HAUS7: variants seen among roughly 807,000 people sequenced by gnomAD.
HAUS7 encodes HAUS augmin-like complex subunit 7.
In HAUS7, 3 loss-of-function variants were observed where a neutral mutation model predicts 28.4. That is an observed-to-expected ratio of 0.11 (90% CI 0.05 to 0.27). The LOEUF (loss-of-function observed/expected upper bound fraction) is 0.27. Ranked by LOEUF, HAUS7 falls within the 10% of genes least tolerant of loss-of-function variation. HAUS7 has a pLI of 1.00. For missense variants in HAUS7, 284 were observed against 297.3 expected, an observed-to-expected ratio of 0.96 and a Z score of 0.33; for synonymous variants, 165 against 132.1, an observed-to-expected ratio of 1.25 and a Z score of -1.71.
At chrX:153,480,542 G>GAGGCA in intron 1 of HAUS7, 1 of 749,939 alleles carries the variant, frequency 1.3e-6, no homozygotes, top group Non-Finnish European at 1.6e-6. Context: ...TTGGGGAAAG[G>GAGGCA]AGGCAAGGCC....
intron 8 of HAUS7, chrX:153,455,027 C>T (rs1464884798): frequency 1.5e-5 from 15 of 1,024,195 alleles, no homozygotes; most frequent in Non-Finnish European, 1.8e-5. Context: ...TAACTAAAGC[C>T]GGCTTTTTAG....
chrX:153,475,117 C>T (rs1428467572), upstream of HAUS7, among the ~76,000 whole-genome samples: 1 of 112,552 alleles, frequency 8.9e-6, no homozygotes, highest in East Asian at 2.8e-4. Flanking sequence ...TCGAAGCCCA[C>T]CGGAGGGGAT....
chrX:153,474,703 A>AGGCGGGGGCGGGGGCGGGGGCGGG (rs782113268), upstream of HAUS7, among the ~76,000 whole-genome samples: 1 of 36,575 alleles, frequency 2.7e-5, no homozygotes, highest in Non-Finnish European at 7.9e-5. Context: ...GCAACGGGAG[A>AGGCGGGGGCGGGGGCGGGGGCGGG]GGCGGGGGCG....
intron 8 of HAUS7, chrX:153,455,064 G>C (rs1556981800): frequency 1.0e-6 from 1 of 1,002,308 alleles, no homozygotes; most frequent in Non-Finnish European, 1.3e-6. Context: ...CTCACATGTG[G>C]AACAACGAAA....
chrX:153,484,028 A>G (rs1249922296), intron 1 of HAUS7, among the ~76,000 whole-genome samples: 1 of 111,917 alleles, frequency 8.9e-6, no homozygotes, highest in African/African-American at 3.2e-5. Flanking sequence ...TCAGTTGCAG[A>G]CGCCAGAAGT....
At chrX:153,468,105 C>T (rs2089475981) in intron 2 of HAUS7, among the ~76,000 whole-genome samples, 1 of 112,312 alleles carries the variant, frequency 8.9e-6, no homozygotes, top group Admixed American at 9.3e-5. Context: ...AGGCAGGAGA[C>T]GCCTCTGGAA....
At chrX:153,457,109 T>C in intron 5 of HAUS7, 28 bp downstream of exon 5, 1 of 979,998 alleles carries the variant, frequency 1.0e-6, no homozygotes, top group Non-Finnish European at 1.5e-6. Flanking sequence ...CCGTCAATAC[T>C]GCCCACCTGG....
upstream of HAUS7, chrX:153,470,723 A>AC (rs1193731453): frequency 2.0e-5 from 14 of 693,194 alleles, no homozygotes; most frequent in Non-Finnish European, 2.9e-5. Flanking sequence ...CCGGGCTCCC[A>AC]CCCCCCGCCC....
chrX:153,468,960 G>A (rs2089486711), intron 2 of HAUS7, among the ~76,000 whole-genome samples, 186 bp downstream of exon 2: 1 of 113,146 alleles, frequency 8.8e-6, no homozygotes, highest in Admixed American at 9.2e-5. Flanking sequence ...TTTGCCCCAA[G>A]TTTGATCATG....
At chrX:153,490,406 C>T (rs2089664560) in intron 1 of HAUS7, among the ~76,000 whole-genome samples, 3 of 112,977 alleles carry the variant, frequency 2.7e-5, no homozygotes, top group Non-Finnish European at 5.6e-5. Context: ...CACACCTCGG[C>T]CATCCAGCAC....
rs73640041 is a variant in HAUS7 at position 153,467,921 on chromosome X, G to A, written c.224+1225C>T. ...GGGAACAGGAAACATTTTAAAAGGAGACAGGACGTGTGAGTTGGGTCTTTG... is the reference window on the plus strand; with the variant it reads ...GGGAACAGGAAACATTTTAAAAGGAAACAGGACGTGTGAGTTGGGTCTTTG... On this transcript the variant is annotated intron_variant, in intron 2 of 9. Transcript: ENST00000370211. Among the ~76,000 whole-genome samples, 960 of 112,518 alleles carry A rather than the reference G, an allele frequency of 8.5e-3. 9 individuals carry two copies. The highest frequency in any genetic ancestry group is 0.029 in the African/African-American group (912 of 30,965).
intron 1 of HAUS7, chrX:153,481,965 C>G: frequency 1.6e-6 from 1 of 619,447 alleles, no homozygotes; most frequent in Non-Finnish European, 1.9e-6. Flanking sequence ...GGGGCCGGGG[C>G]TGGGGCTGGG....
intron 3 of HAUS7, among the ~76,000 whole-genome samples, chrX:153,463,492 T>C (rs1447202272): frequency 5.4e-5 from 6 of 111,822 alleles, no homozygotes; most frequent in African/African-American, 2.0e-4. Flanking sequence ...TCTCCAAACT[T>C]TCACCTGGAC....
intron 1 of HAUS7, among the ~76,000 whole-genome samples, chrX:153,479,767 T>C (rs1050727974): frequency 9.0e-6 from 1 of 110,727 alleles, no homozygotes; most frequent in Non-Finnish European, 1.9e-5. Flanking sequence ...CCAGTGGTTG[T>C]AGCCACACTT....
At chrX:153,448,543 T>C (rs930512671) in intron 9 of HAUS7, among the ~76,000 whole-genome samples, 2 of 109,402 alleles carry the variant, frequency 1.8e-5, no homozygotes, top group Admixed American at 9.7e-5. Flanking sequence ...TAAAGTATAA[T>C]AAAAATATAT....
At chrX:153,448,295 C>G (rs956109949) in intron 9 of HAUS7, among the ~76,000 whole-genome samples, 8 of 104,755 alleles carry the variant, frequency 7.6e-5, no homozygotes, top group Admixed American at 1.1e-4. Context: ...ATCGCAAGGA[C>G]AAAAAACCAA....
chrX:153,494,080 CA>C (rs2089689266), intron 1 of HAUS7, among the ~76,000 whole-genome samples: 1 of 111,761 alleles, frequency 8.9e-6, no homozygotes, highest in East Asian at 2.8e-4. Flanking sequence ...CACTACGGGA[CA>C]GGGGGGCAGT....
chrX:153,474,796 C>T (rs1602948578), upstream of HAUS7, among the ~76,000 whole-genome samples: 1 of 49,387 alleles, frequency 2.0e-5, no homozygotes, highest in African/African-American at 9.0e-5. Context: ...CGGGAGGTGG[C>T]GGGCGGGGGC....
At position 153,456,363 on chromosome X, in the gene HAUS7, C is replaced by G. The variant is rs2089309804; in HGVS notation, c.607G>C (p.Ala203Pro). Reference protein sequence around the residue: ...LNKQSDDWQWASASAKSEEEE... With the variant: ...LNKQSDDWQWPSASAKSEEEE... ...TCCTCGGACTTGGCAGAGGCACTGG[C>G]CCTGCAGGGAGAGAAAGGGAACACT... The change falls in exon 7 of 10, where the codon GCC (alanine) becomes CCC (proline). Residue 203 changes from alanine to proline, a missense_variant and splice_region_variant. Coordinates refer to ENST00000370211, the MANE Select transcript of HAUS7 (RefSeq NM_001385482.1). 8.3e-7 allele frequency: 1 copy of G among 1,203,748 alleles called. No homozygotes were observed. The highest frequency in any genetic ancestry group is 1.1e-6 in the Non-Finnish European group (1 of 889,507).
Sources: allele counts gnomAD v4.1 joint callset (sites outside exome capture counted in the v4.1 genomes callset), GRCh38; gene constraint gnomAD v4.1.1; transcripts MANE v1.5; gene names NCBI Gene and HGNC (gene_info 2026-07-23, HGNC 2026-07-21).